The following STK3 variants were observed in gnomAD, a reference collection of about 807,000 sequenced individuals.
The protein encoded by STK3 is serine/threonine kinase 3, also known as serine/threonine-protein kinase 3.
A neutral mutation model predicts 58.0 loss-of-function variants in STK3; 41 were observed. The observed-to-expected ratio is 0.71, with a 90% confidence interval of 0.55 to 0.92. The LOEUF (loss-of-function observed/expected upper bound fraction) is 0.92, where lower values mean the gene tolerates loss of function less well. Ranked by LOEUF, STK3 falls within the 40% of genes least tolerant of loss-of-function variation. The pLI is 0.00. For synonymous variants in STK3, 170 were observed against 191.0 expected, an observed-to-expected ratio of 0.89 and a Z score of 0.91; for missense variants, 479 against 602.7, an observed-to-expected ratio of 0.79 and a Z score of 2.15.
At chr8:98,889,550 C>G (rs1479045139) in intron 1 of STK3, among the ~76,000 whole-genome samples, 1 of 152,202 alleles carries the variant, frequency 6.6e-6, no homozygotes, top group Admixed American at 6.5e-5. Context: ...GTTGACTCAG[C>G]TCATTTCAAA....
intron 1 of STK3, among the ~76,000 whole-genome samples, chr8:98,799,918 A>G (rs1008867508): frequency 6.6e-5 from 10 of 152,184 alleles, no homozygotes; most frequent in Non-Finnish European, 1.3e-4. Flanking sequence ...AGACCTCCTC[A>G]CTGCTGAGAA....
rs187216101 is a variant in STK3, at chr8:98,614,445, C to T, written c.685-18276G>A. The stretch of plus-strand genomic sequence containing the variant: ...TATGTGTCAAAGAAGATGTCTCGAT[C>T]GGGGGAGGAGCCAAGATGGCCGAAT... On this transcript the variant is annotated intron_variant, in intron 6 of 10. Transcript: ENST00000419617. Among the ~76,000 whole-genome samples the T allele has an allele frequency of 2.0e-3, 300 of 152,064 alleles. 1 individual carries two copies. The highest frequency in any genetic ancestry group is 3.2e-3 in the Non-Finnish European group (216 of 67,902).
intron 10 of STK3, among the ~76,000 whole-genome samples, chr8:98,469,940 G>A (rs1214919347): frequency 6.6e-6 from 1 of 152,096 alleles, no homozygotes; most frequent in Non-Finnish European, 1.5e-5. Context: ...CTTATCCACT[G>A]GATAATTATT....
At chr8:98,435,121 G>T (rs1018175830) in intron 2 of STK3, among the ~76,000 whole-genome samples, 2 of 152,164 alleles carry the variant, frequency 1.3e-5, no homozygotes, top group Non-Finnish European at 2.9e-5. Context: ...GGATGAAGGG[G>T]GCAATGAGGA....
intron 6 of STK3, among the ~76,000 whole-genome samples, chr8:98,642,125 A>G (rs1373923455): frequency 6.6e-6 from 1 of 152,168 alleles, no homozygotes; most frequent in Non-Finnish European, 1.5e-5. Flanking sequence ...TACCATTCCA[A>G]TACACAAATG....
intron 6 of STK3, among the ~76,000 whole-genome samples, chr8:98,676,528 G>C (rs34617327): frequency 6.6e-6 from 1 of 151,696 alleles, no homozygotes; most frequent in Non-Finnish European, 1.5e-5. Flanking sequence ...CAGGAGAATC[G>C]CTTGAACCTG....
intron 2 of STK3, among the ~76,000 whole-genome samples, chr8:98,769,635 A>G (rs1224061724): frequency 6.6e-6 from 1 of 152,222 alleles, no homozygotes; most frequent in Non-Finnish European, 1.5e-5. Flanking sequence ...CAAGTAACAA[A>G]TAGTATACTG....
chr8:98,432,267 A>G (rs115714999), intron 3 of STK3: 174 of 167,164 alleles, frequency 1.0e-3, no homozygotes, highest in African/African-American at 3.6e-3. Context: ...GGGACAGAGT[A>G]GAAACTGGAG....
intron 1 of STK3, among the ~76,000 whole-genome samples, chr8:98,445,476 A>T (rs1024848901): frequency 1.2e-4 from 18 of 152,190 alleles, no homozygotes; most frequent in Non-Finnish European, 2.5e-4. Context: ...CACATAATAA[A>T]TATAAAAGAT....
intron 3 of STK3, among the ~76,000 whole-genome samples, chr8:98,420,900 T>C (rs1267447166): frequency 1.3e-5 from 2 of 152,252 alleles, no homozygotes; most frequent in African/African-American, 4.8e-5. Context: ...AGTAATCTTA[T>C]GAGTGTGGGA....
At chr8:98,941,154 G>C (rs1396418702) in intron 1 of STK3, among the ~76,000 whole-genome samples, 1 of 152,216 alleles carries the variant, frequency 6.6e-6, no homozygotes, top group South Asian at 2.1e-4. Context: ...GCCGGCTGCG[G>C]ACTGCAGCCC....
At chr8:98,753,238 T>C (rs550970413) in intron 3 of STK3, among the ~76,000 whole-genome samples, 8 of 152,314 alleles carry the variant, frequency 5.3e-5, no homozygotes, top group East Asian at 1.9e-4. Flanking sequence ...CCATCAATGA[T>C]AGACTGGATA....
chr8:98,663,765 G>C (rs2130801299), intron 6 of STK3, among the ~76,000 whole-genome samples: 1 of 152,190 alleles, frequency 6.6e-6, no homozygotes, highest in African/African-American at 2.4e-5. Flanking sequence ...GCAAACTATT[G>C]CAAGAAGAAA....
At chr8:98,783,945 A>G (rs1421781411) in intron 1 of STK3, among the ~76,000 whole-genome samples, 1 of 152,186 alleles carries the variant, frequency 6.6e-6, no homozygotes, top group Admixed American at 6.5e-5. Context: ...ACAAACACAA[A>G]CAGCCCCTAT....
At chr8:98,588,409 G>T (rs1814881144) in intron 7 of STK3, among the ~76,000 whole-genome samples, 1 of 151,112 alleles carries the variant, frequency 6.6e-6, no homozygotes, top group South Asian at 2.1e-4. Context: ...TTTTCTTTAA[G>T]AATGTTGAAT....
At chr8:98,755,619 G>A (rs1336899361) in intron 3 of STK3, among the ~76,000 whole-genome samples, 3 of 152,142 alleles carry the variant, frequency 2.0e-5, no homozygotes, top group Non-Finnish European at 4.4e-5. Context: ...CCACAGATTG[G>A]AAAAGAAAGA....
chr8:98,851,991 TAATA>T (rs1352773333), intron 3 of STK3, among the ~76,000 whole-genome samples: 1 of 151,622 alleles, frequency 6.6e-6, no homozygotes, highest in Non-Finnish European at 1.5e-5. Flanking sequence ...TGCTCTTAAA[TAATA>T]AATAAATAAA....
At chr8:98,814,126 C>T (rs1834394935) in intron 1 of STK3, among the ~76,000 whole-genome samples, 1 of 152,172 alleles carries the variant, frequency 6.6e-6, no homozygotes, top group African/African-American at 2.4e-5. Flanking sequence ...TCTCAGTTCA[C>T]TGCAACCTCC....
rs540840821 is a variant in STK3 at position 98,505,198 on chromosome 8, T to A, written c.1317+21544A>T. Among the ~76,000 whole-genome samples, 9 of 152,362 alleles carry A rather than the reference T, an allele frequency of 5.9e-5. 1 individual carries two copies. Among genetic ancestry groups the A allele is most frequent in the African/African-American group, 2.2e-4 (9 of 41,590 alleles). ...TGATCGAATAGGCTATTGAAGCTTGTGCATGTGTCACGTAGTTCTCCTGCC... is the reference window on the plus strand; with the variant it reads ...TGATCGAATAGGCTATTGAAGCTTGAGCATGTGTCACGTAGTTCTCCTGCC... On this transcript the variant is annotated intron_variant, in intron 10 of 10. Coordinates refer to ENST00000419617, the MANE Select transcript of STK3 (RefSeq NM_006281.4).
Sources: allele counts gnomAD v4.1 joint callset (sites outside exome capture counted in the v4.1 genomes callset), GRCh38; gene constraint gnomAD v4.1.1; transcripts MANE v1.5; gene names NCBI Gene and HGNC (gene_info 2026-07-23, HGNC 2026-07-21).